The following PLPPR4 variants were observed in gnomAD, a reference collection of about 807,000 sequenced individuals.
PLPPR4 encodes the protein phospholipid phosphatase related 4, also known as phospholipid phosphatase-related protein type 4.
Under a neutral mutation model 56.6 loss-of-function variants are expected in PLPPR4, and 24 were observed. That is an observed-to-expected ratio of 0.42 (90% confidence interval 0.31 to 0.60). PLPPR4 has a LOEUF of 0.60. PLPPR4 is among the 20% of genes least tolerant of loss of function. PLPPR4 has a pLI of 0.13. For missense variants in PLPPR4, 654 were observed against 885.8 expected (o/e 0.74, Z 3.32); for synonymous variants, 326 against 328.1 (o/e 0.99, Z 0.07).
chr1:99,291,165 AG>A (rs1421520112), intron 2 of PLPPR4, among the ~76,000 whole-genome samples: 24 of 152,166 alleles, frequency 1.6e-4, no homozygotes, highest in African/African-American at 5.8e-4. Flanking sequence ...GCATACATGC[AG>A]CCAACTAGCA....
intron 6 of PLPPR4, among the ~76,000 whole-genome samples, chr1:99,302,497 T>C (rs77878433): frequency 3.2e-5 from 4 of 126,420 alleles, no homozygotes; most frequent in Admixed American, 8.3e-5. Context: ...AGAAATGAGA[T>C]GTATTCTTTT....
chr1:99,293,015 G>C (rs530472384), intron 2 of PLPPR4, among the ~76,000 whole-genome samples: 1 of 152,276 alleles, frequency 6.6e-6, no homozygotes, highest in East Asian at 1.9e-4. Context: ...GCATAAGCCT[G>C]TTCCAAAAAT....
upstream of PLPPR4, chr1:99,264,410 G>A (rs1181829496): frequency 6.9e-7 from 1 of 1,441,470 alleles, no homozygotes; most frequent in East Asian, 2.5e-5. Flanking sequence ...GAATAGCTGG[G>A]TTGCTGCAAA....
intron 1 of PLPPR4, among the ~76,000 whole-genome samples, chr1:99,276,130 CTAAG>C (rs1659180774): frequency 6.6e-6 from 1 of 152,114 alleles, no homozygotes; most frequent in South Asian, 2.1e-4. Flanking sequence ...ACTTAAATAA[CTAAG>C]GCCTTCAGCA....
At chr1:99,263,265 T>C (rs1272009600), upstream of PLPPR4, among the ~76,000 whole-genome samples, 2 of 152,086 alleles carry the variant, frequency 1.3e-5, no homozygotes, top group Non-Finnish European at 2.9e-5. Flanking sequence ...TGGGTTCAAC[T>C]AAGCCGGGAT....
At chr1:99,280,330 T>C (rs1007893976) in intron 1 of PLPPR4, among the ~76,000 whole-genome samples, 3 of 152,240 alleles carry the variant, frequency 2.0e-5, no homozygotes, top group African/African-American at 7.2e-5. Context: ...AGATACTTTA[T>C]ACAGTGTAGA....
At chr1:99,302,980 T>C (rs1234426982) in intron 6 of PLPPR4, among the ~76,000 whole-genome samples, 1 of 152,092 alleles carries the variant, frequency 6.6e-6, no homozygotes, top group Admixed American at 6.6e-5. Flanking sequence ...GTTTACAATG[T>C]AAAGACTAAC....
intron 2 of PLPPR4, among the ~76,000 whole-genome samples, chr1:99,296,505 C>T (rs2219257): frequency 0.051 from 7,695 of 152,220 alleles, 211 homozygotes; most frequent in Middle Eastern, 0.088. Flanking sequence ...TGTTCCAGTA[C>T]ATGAGAGTCC....
intron 1 of PLPPR4, among the ~76,000 whole-genome samples, chr1:99,275,676 A>G (rs1659167300): frequency 6.6e-6 from 1 of 152,202 alleles, no homozygotes; most frequent in Non-Finnish European, 1.5e-5. Flanking sequence ...GTTCAGAAAT[A>G]GAGGAAGAGA....
chr1:99,287,723 G>A (rs1051279615), intron 1 of PLPPR4, among the ~76,000 whole-genome samples: 24 of 152,134 alleles, frequency 1.6e-4, no homozygotes, highest in Admixed American at 1.4e-3. Flanking sequence ...TATGGTGGGA[G>A]GGTAGGAGTG....
rs1389205072 is a variant in PLPPR4 at position 99,299,195 on chromosome 1, C to T, written c.555C>T (p.Cys185=). 6 of 1,613,228 alleles carry T rather than the reference C, an allele frequency of 3.7e-6. No individual in the cohort carries two copies. The highest frequency in any genetic ancestry group is 2.2e-5 in the South Asian group (2 of 91,042). The change falls in exon 4 of 7, where the codon TGC becomes TGT. Residue 185 remains cysteine, a synonymous_variant. Coordinates refer to ENST00000370185, the MANE Select transcript of PLPPR4 (RefSeq NM_014839.5). ...ATTCCTACATTGTGGAAGATATTTG[C>T]TCAGGATCTGACCTCACAGTTATCA... is the stretch of plus-strand genomic sequence containing the variant. ...KENSYIVEDI[C]SGSDLTVINS... is the part of the protein sequence containing the mutation.
At chr1:99,291,478 A>G (rs1659619271) in intron 2 of PLPPR4, among the ~76,000 whole-genome samples, 1 of 152,240 alleles carries the variant, frequency 6.6e-6, no homozygotes, top group South Asian at 2.1e-4. Context: ...ATGTACACGT[A>G]TATTCATTGC....
chr1:99,273,238 T>A (rs1456168), intron 1 of PLPPR4, among the ~76,000 whole-genome samples: 13,245 of 152,016 alleles, frequency 0.087, 1,041 homozygotes, highest in African/African-American at 0.2. Context: ...ATAGAGGAGG[T>A]TAATGGCTTT....
chr1:99,303,997 A>G (rs1182104049), intron 6 of PLPPR4, among the ~76,000 whole-genome samples: 1 of 152,210 alleles, frequency 6.6e-6, no homozygotes, highest in Non-Finnish European at 1.5e-5. Context: ...GGATTTGGTT[A>G]TGAATCCAAA....
chr1:99,272,344 T>C (rs906334418), intron 1 of PLPPR4, among the ~76,000 whole-genome samples: 4 of 152,142 alleles, frequency 2.6e-5, no homozygotes, highest in Non-Finnish European at 5.9e-5. Flanking sequence ...CTGGTTAATA[T>C]CAGATCAGGA....
chr1:99,296,510 G>C (rs1296904842), intron 2 of PLPPR4, among the ~76,000 whole-genome samples: 1 of 152,164 alleles, frequency 6.6e-6, no homozygotes, highest in African/African-American at 2.4e-5. Context: ...CAGTACATGA[G>C]AGTCCAGAAG....
chr1:99,298,225 T>C (rs1213120186), intron 3 of PLPPR4, among the ~76,000 whole-genome samples: 1 of 152,074 alleles, frequency 6.6e-6, no homozygotes, highest in Non-Finnish European at 1.5e-5. Flanking sequence ...ATGCAAGCTG[T>C]CAAGTCAGAA....
rs1419746494 is a variant in PLPPR4, at chr1:99,306,122, G to C, written c.1260G>C (p.Glu420Asp). The change falls in exon 7 of 7, where the codon GAG (glutamate) becomes GAC (aspartate). Residue 420 changes from glutamate to aspartate, a missense_variant. By Grantham distance (45) the Glu-to-Asp change is conservative. Around this residue, in one of 2 missense-constraint regions of PLPPR4, gnomAD observed 468 missense variants for 554.3 expected, o/e 0.84. Coordinates refer to ENST00000370185, the MANE Select transcript of PLPPR4 (RefSeq NM_014839.5). This position sits in a 1 kb window ranked among gnomAD's most constrained non-coding sequence, Gnocchi z 4.0. ...TGTCCTTGCAAGTTATAGAGCCTGA[G>C]CCTGGGCAGTCACCACCCAGATCCA... ...RKLSLQVIEP[E>D]PGQSPPRSIE... The C allele has an allele frequency of 1.2e-6, 2 of 1,614,042 alleles. No homozygotes were observed. Among genetic ancestry groups the C allele is most frequent in the Non-Finnish European group, 8.5e-7 (1 of 1,180,026 alleles).
chr1:99,292,731 C>T (rs904539442), intron 2 of PLPPR4, among the ~76,000 whole-genome samples: 1 of 151,742 alleles, frequency 6.6e-6, no homozygotes, highest in Non-Finnish European at 1.5e-5. Flanking sequence ...CACTTTGTCA[C>T]AGCTTTCTCT....
Sources: gnomAD v4.1 joint callset for allele counts (sites outside exome capture counted in the v4.1 genomes callset) on GRCh38, gnomAD v4.1.1 for gene constraint, gnomAD v4.1.1 regional missense constraint, Gnocchi (gnomAD v3.1) non-coding constraint, MANE v1.5 for transcripts, NCBI Gene and HGNC (gene_info 2026-07-23, HGNC 2026-07-21) for gene names.